Variants in C6orf52 observed in about 807,000 individuals in gnomAD.
The protein encoded by C6orf52 is chromosome 6 open reading frame 52, also known as putative uncharacterized protein C6orf52.
Under a neutral mutation model 16.6 loss-of-function variants are expected in C6orf52, and 16 were observed. The ratio of observed to expected loss-of-function variants is 0.96; its 90% CI spans 0.65 to 1.46. C6orf52 has a LOEUF of 1.46. C6orf52 is among the 40% of genes most tolerant of loss of function. The probability of loss-of-function intolerance (pLI) is 0.00; values close to 1 mark genes in which losing one functional copy is unlikely to be tolerated. For missense variants in C6orf52, 166 were observed against 182.3 expected (o/e 0.91, Z 0.52); for synonymous variants, 53 against 61.4 (o/e 0.86, Z 0.64).
chr6:10,680,917 C>T (rs911124051), intron 4 of C6orf52, among the ~76,000 whole-genome samples: 1 of 152,084 alleles, frequency 6.6e-6, no homozygotes, highest in African/African-American at 2.4e-5. Flanking sequence ...CCTCCTATCT[C>T]AGCCTCTCAA....
chr6:10,672,039 A>C (rs1767467066), intron 4 of C6orf52, among the ~76,000 whole-genome samples: 1 of 152,244 alleles, frequency 6.6e-6, no homozygotes, highest in African/African-American at 2.4e-5. Context: ...AGATAAAGTG[A>C]ATTAATTTTA....
chr6:10,694,235 G>C lies in C6orf52; in HGVS notation c.-12+259C>G, dbSNP rs549011937. 2.5e-4 allele frequency among the ~76,000 whole-genome samples: 36 copies of C among 141,898 alleles called. 2 individuals carry two copies. The South Asian group carries it at 7.8e-3, about 31-fold the overall frequency. 93.1% of individuals were successfully genotyped at this position (141,898 alleles called of 152,430 possible). ...AAATCGCGCCACCGGACTCCAGCCT[G>C]GGCAAAAAGAGCGAAACTCCGTCTC... On this transcript the variant is annotated intron_variant, in intron 1 of 4. Coordinates refer to ENST00000259983, the MANE Select transcript of C6orf52 (RefSeq NM_001145020.3).
In C6orf52 at chr6:10,694,590, C is replaced by T; in HGVS notation, c.-108G>A. The T allele has an allele frequency of 5.8e-6, 1 of 172,406 alleles. No homozygotes were observed. Among genetic ancestry groups the T allele is most frequent in the Admixed American group, 6.0e-5 (1 of 16,564 alleles). The allele number at this position is 172,406 out of a possible 1,614,324, so 10.7% of individuals were successfully genotyped here. A position where few individuals can be genotyped will look rare whatever the true frequency, so the allele number is the denominator to read the frequency against. ...ACAACAATGCACGCTGCCGGCGCTA[C>T]AGCCCCTAAGCAACCGGCCGGAAGT... On this transcript the variant is annotated 5_prime_UTR_variant, in exon 1 of 5. Coordinates refer to ENST00000259983, the MANE Select transcript of C6orf52 (RefSeq NM_001145020.3).
At chr6:10,681,387 AT>A (rs1409639538) in intron 4 of C6orf52, among the ~76,000 whole-genome samples, 29 of 151,810 alleles carry the variant, frequency 1.9e-4, no homozygotes, top group African/African-American at 7.0e-4. Flanking sequence ...CCAACCCTTC[AT>A]TTTGTTGATC....
chr6:10,677,380 GTTA>G (rs1349780045), intron 4 of C6orf52, among the ~76,000 whole-genome samples: 1 of 151,114 alleles, frequency 6.6e-6, no homozygotes, highest in East Asian at 1.9e-4. Context: ...TTATGTGTCT[GTTA>G]TTATGCCAGT....
At chr6:10,694,260 C>CAAAAAAAAAAAAA (rs57435593) in intron 1 of C6orf52, among the ~76,000 whole-genome samples, 4 of 62,476 alleles carry the variant, frequency 6.4e-5, no homozygotes, top group African/African-American at 2.2e-4. Context: ...AACTCCGTCT[C>CAAAAAAAAAAAAA]AAAAAAAAAA....
chr6:10,671,868 T>G (rs569407974), intron 4 of C6orf52, among the ~76,000 whole-genome samples: 8 of 152,218 alleles, frequency 5.3e-5, no homozygotes, highest in African/African-American at 1.9e-4. Flanking sequence ...GCTTGGGGGA[T>G]GGATTCAATT....
intron 4 of C6orf52, among the ~76,000 whole-genome samples, chr6:10,678,559 T>G (rs1768092174): frequency 1.3e-5 from 2 of 152,236 alleles, no homozygotes; most frequent in South Asian, 4.1e-4. Context: ...ACCTCAGAGA[T>G]ATTGCAGGTT....
rs575467939 is a variant in C6orf52 at position 10,684,757 on chromosome 6, G to A, written c.271-1525C>T. 8 of 703,660 alleles carry A rather than the reference G, an allele frequency of 1.1e-5. No individual in the cohort carries two copies. In the African/African-American group the frequency reaches 1.3e-4, roughly 11 times the overall value. The allele number at this position is 703,660 out of a possible 1,614,324, so 43.6% of individuals were successfully genotyped here. Reference sequence around the variant, plus strand: ...GGCACAGCACATTGGGGGAAGCAGGGAATGACTAGGACATCTTGGCAAGGA... The same window carrying A: ...GGCACAGCACATTGGGGGAAGCAGGAAATGACTAGGACATCTTGGCAAGGA... On this transcript the variant is annotated intron_variant, in intron 3 of 4. Coordinates refer to ENST00000259983, the MANE Select transcript of C6orf52 (RefSeq NM_001145020.3).
At chr6:10,683,267 T>C (rs1402102625) in intron 3 of C6orf52, 35 bp from the exon 4 acceptor site, 8 of 1,431,176 alleles carry the variant, frequency 5.6e-6, no homozygotes, top group Non-Finnish European at 7.7e-6. Flanking sequence ...GAAAATAATT[T>C]TACTTAAAGG....
rs559382417 is a variant in C6orf52 at position 10,675,896 on chromosome 6, C to G, written c.317-4298G>C. On this transcript the variant is annotated intron_variant, in intron 4 of 4. Coordinates refer to ENST00000259983, the MANE Select transcript of C6orf52 (RefSeq NM_001145020.3). ...CCTGTAATCCCAGCACTTTGGGAGG[C>G]CAAGGTGGGTGGATCACCTGAGGTC... Among the ~76,000 whole-genome samples the G allele has an allele frequency of 2.6e-5, 4 of 152,302 alleles. No individual in the cohort carries two copies. In the South Asian group the frequency reaches 8.3e-4, roughly 32 times the overall value.
chr6:10,671,435 G>A lies in C6orf52; in HGVS notation c.*21C>T, dbSNP rs770108290. 149 of 1,515,672 alleles carry A rather than the reference G, an allele frequency of 9.8e-5. No individual in the cohort carries two copies. The highest frequency in any genetic ancestry group is 1.2e-4 in the Non-Finnish European group (139 of 1,134,320). 93.9% of individuals were successfully genotyped at this position (1,515,672 alleles called of 1,614,324 possible). On this transcript the variant is annotated 3_prime_UTR_variant, in exon 5 of 5. Transcript: ENST00000259983. ...CGACACAATTAGTATGATAATTGCG[G>A]AGTTTAATGAACACCTTGCTTCACT...
intron 4 of C6orf52, among the ~76,000 whole-genome samples, chr6:10,675,774 A>T (rs182002169): frequency 6.6e-6 from 1 of 152,252 alleles, no homozygotes; most frequent in Admixed American, 6.5e-5. Flanking sequence ...TTCTCTGATG[A>T]TTAGTGAAGT....
chr6:10,683,492 G>A (rs1044066217), intron 3 of C6orf52, among the ~76,000 whole-genome samples: 6 of 152,284 alleles, frequency 3.9e-5, no homozygotes, highest in Non-Finnish European at 8.8e-5. Flanking sequence ...CCTGGCCCCT[G>A]GATTTTCTGG....
Position 10,694,612 on chromosome 6 carries a change from A to ATGGTGT in C6orf52, c.-131_-130insACACCA. 2 of 183,296 alleles carry ATGGTGT rather than the reference A, an allele frequency of 1.1e-5. No individual in the cohort carries two copies. Among genetic ancestry groups the ATGGTGT allele is most frequent in the South Asian group, 9.7e-5 (1 of 10,270 alleles). 11.4% of individuals were successfully genotyped at this position (183,296 alleles called of 1,614,324 possible). ...CTACAGCCCCTAAGCAACCGGCCGG[A>ATGGTGT]AGTCGGCCCCACCTCCTCCTGATGT... On this transcript the variant is annotated 5_prime_UTR_variant, in exon 1 of 5. Coordinates refer to ENST00000259983, the MANE Select transcript of C6orf52 (RefSeq NM_001145020.3).
intron 3 of C6orf52, among the ~76,000 whole-genome samples, chr6:10,685,702 CA>C (rs1206424244): frequency 6.6e-6 from 1 of 152,108 alleles, no homozygotes; most frequent in Non-Finnish European, 1.5e-5. Context: ...AAGAGGATAT[CA>C]AAGTCACAGA....
rs112026322 is a variant in C6orf52 at position 10,675,860 on chromosome 6, G to A, written c.317-4262C>T. Among the ~76,000 whole-genome samples, 1,409 of 152,288 alleles carry A rather than the reference G, an allele frequency of 9.3e-3. 15 individuals carry two copies. Among genetic ancestry groups the A allele is most frequent in the African/African-American group, 0.032 (1,328 of 41,544 alleles). On this transcript the variant is annotated intron_variant, in intron 4 of 4. Coordinates refer to ENST00000259983, the MANE Select transcript of C6orf52 (RefSeq NM_001145020.3). ...AATGTCTTAAAAAATGGCCGGGCAC[G>A]GTGGCTCACGCCTGTAATCCCAGCA...
intron 4 of C6orf52, among the ~76,000 whole-genome samples, 157 bp from the exon 5 acceptor site, chr6:10,671,755 C>G (rs1027702984): frequency 2.0e-5 from 3 of 152,100 alleles, no homozygotes; most frequent in African/African-American, 7.2e-5. Context: ...TTCAATAAGA[C>G]TTGAAAATAG....
At chr6:10,689,926 C>G (rs1769147467) in intron 1 of C6orf52, among the ~76,000 whole-genome samples, 1 of 152,232 alleles carries the variant, frequency 6.6e-6, no homozygotes, top group African/African-American at 2.4e-5. Context: ...GTAGTTTAGA[C>G]AGCCAATAAA....
Sources: gnomAD v4.1 joint callset for allele counts (sites outside exome capture counted in the v4.1 genomes callset) on GRCh38, gnomAD v4.1.1 for gene constraint, MANE v1.5 for transcripts, NCBI Gene and HGNC (gene_info 2026-07-23, HGNC 2026-07-21) for gene names.